The following ITPR2 variants were observed in gnomAD, a reference collection of about 807,000 sequenced individuals.
The protein encoded by ITPR2 is inositol 1,4,5-trisphosphate receptor type 2, also known as inositol 1,4,5-trisphosphate-gated calcium channel ITPR2.
ITPR2 carries 207 observed loss-of-function variants against 317.1 expected under a neutral mutation model. The ratio of observed to expected loss-of-function variants is 0.65; its 90% confidence interval spans 0.58 to 0.73. ITPR2 has a LOEUF of 0.73. ITPR2 is among the 30% of genes least tolerant of loss of function. The probability of loss-of-function intolerance (pLI) is 0.00; values close to 1 mark genes in which losing one functional copy is unlikely to be tolerated. For missense variants in ITPR2, 2,613 were observed against 3,284.0 expected (o/e 0.80, Z 4.99); for synonymous variants, 1,156 against 1,149.1 (o/e 1.01, Z -0.12).
At chr12:26,430,436 G>A (rs547798112) in intron 48 of ITPR2, among the ~76,000 whole-genome samples, 4 of 152,242 alleles carry the variant, frequency 2.6e-5, no homozygotes, top group South Asian at 4.1e-4. Context: ...GCTAAATTTT[G>A]TATTGTCAGT....
chr12:26,750,898 A>G (rs1949401405), intron 2 of ITPR2, among the ~76,000 whole-genome samples: 1 of 152,200 alleles, frequency 6.6e-6, no homozygotes. Flanking sequence ...CTCCAAAGCA[A>G]TCCAATGAGA....
intron 32 of ITPR2, among the ~76,000 whole-genome samples, chr12:26,591,992 C>T (rs902440195): frequency 2.0e-5 from 3 of 152,176 alleles, no homozygotes; most frequent in Non-Finnish European, 4.4e-5. Context: ...AATTTGGAAG[C>T]ACCTTAAGTG....
chr12:26,352,615 T>G (rs1427348808), intron 55 of ITPR2, among the ~76,000 whole-genome samples: 2 of 152,182 alleles, frequency 1.3e-5, no homozygotes, highest in African/African-American at 4.8e-5. Flanking sequence ...GATACCACAG[T>G]AATGTCTGCC....
chr12:26,571,728 T>C (rs1214159623), intron 34 of ITPR2, among the ~76,000 whole-genome samples: 2 of 152,210 alleles, frequency 1.3e-5, no homozygotes, highest in Admixed American at 6.5e-5. Flanking sequence ...CATTTCCCCA[T>C]CTATAAAATG....
In ITPR2 at chr12:26,578,646, C is replaced by T. The variant is rs1453105121; in HGVS notation, c.4630+67G>A. Reference sequence around the variant, plus strand: ...GTAAATTGGGAAGCTGCTTGTGTTGCCCATTAGCCAAAAACCTAATTTCTT... The same window carrying T: ...GTAAATTGGGAAGCTGCTTGTGTTGTCCATTAGCCAAAAACCTAATTTCTT... On this transcript the variant is annotated intron_variant, in intron 34 of 56. Transcript: ENST00000381340. 7 of 1,421,536 alleles carry T rather than the reference C, an allele frequency of 4.9e-6. No homozygotes were observed. The East Asian group carries it at 1.4e-4, about 28-fold the overall frequency. The allele number at this position is 1,421,536 out of a possible 1,614,324, so 88.1% of individuals were successfully genotyped here. A position where few individuals can be genotyped will look rare whatever the true frequency, so the allele number is the denominator to read the frequency against.
intron 37 of ITPR2, among the ~76,000 whole-genome samples, chr12:26,530,436 T>C (rs1330286253): frequency 6.6e-6 from 1 of 152,220 alleles, no homozygotes; most frequent in Non-Finnish European, 1.5e-5. Context: ...GATGATACTG[T>C]TCACTGAGGA....
intron 48 of ITPR2, among the ~76,000 whole-genome samples, chr12:26,434,322 C>G (rs1941295122): frequency 6.6e-6 from 1 of 152,186 alleles, no homozygotes; most frequent in African/African-American, 2.4e-5. Context: ...AAGTGCTTAG[C>G]ATTTTGCCTG....
At position 26,428,100 on chromosome 12, in the gene ITPR2, G is replaced by A. The variant is rs1941116325; in HGVS notation, c.6770-12C>T. ...TGGAGAAAGTGTACCTGTAAAATGTGGAAGAAATTTATTGCTACTAAGAAT... is the reference window on the plus strand; with the variant it reads ...TGGAGAAAGTGTACCTGTAAAATGTAGAAGAAATTTATTGCTACTAAGAAT... On this transcript the variant is annotated splice_polypyrimidine_tract_variant and intron_variant, in intron 48 of 56. Transcript: ENST00000381340. 1 of 1,566,524 alleles carries A rather than the reference G, an allele frequency of 6.4e-7. No individual in the cohort carries two copies.
In ITPR2 at chr12:26,680,576, T is replaced by G. The variant is rs1948009748; in HGVS notation, c.1409+1298A>C. Among the ~76,000 whole-genome samples, 3 of 152,186 alleles carry G rather than the reference T, an allele frequency of 2.0e-5. 1 individual carries two copies. The highest frequency in any genetic ancestry group is 7.2e-5 in the African/African-American group (3 of 41,452). ...CAGAAACTGATAGATAAAATCACAT[T>G]TACTTCAAAATTCTATCAATCAAAT... On this transcript the variant is annotated intron_variant, in intron 13 of 56. Transcript: ENST00000381340.
At chr12:26,665,690 C>T (rs1947610196) in intron 14 of ITPR2, among the ~76,000 whole-genome samples, 1 of 152,260 alleles carries the variant, frequency 6.6e-6, no homozygotes, top group African/African-American at 2.4e-5. Context: ...CAGCAAACAC[C>T]TTGACTGCAG....
chr12:26,825,143 G>A (rs557194530), intron 1 of ITPR2, among the ~76,000 whole-genome samples: 1 of 152,304 alleles, frequency 6.6e-6, no homozygotes, highest in Non-Finnish European at 1.5e-5. Context: ...TGAGGCACAG[G>A]AATGGCTTGA....
At chr12:26,811,034 TAC>T (rs1491252952) in intron 1 of ITPR2, among the ~76,000 whole-genome samples, 3 of 49,920 alleles carry the variant, frequency 6.0e-5, no homozygotes, top group Middle Eastern at 8.9e-3. Flanking sequence ...TGTTTTAAGT[TAC>T]AAAAAAAAAA....
At chr12:26,395,388 C>T (rs1939963645) in intron 54 of ITPR2, among the ~76,000 whole-genome samples, 1 of 151,976 alleles carries the variant, frequency 6.6e-6, no homozygotes, top group Non-Finnish European at 1.5e-5. Context: ...TGTGAAAAGC[C>T]AAAGAGAATT....
At chr12:26,465,685 C>T (rs1236943663) in intron 45 of ITPR2, among the ~76,000 whole-genome samples, 1 of 152,058 alleles carries the variant, frequency 6.6e-6, no homozygotes, top group Non-Finnish European at 1.5e-5. Flanking sequence ...TCCCAGAGCA[C>T]CTCAGATACG....
intron 55 of ITPR2, among the ~76,000 whole-genome samples, chr12:26,378,669 G>T (rs1212237824): frequency 6.6e-6 from 1 of 152,186 alleles, no homozygotes; most frequent in Non-Finnish European, 1.5e-5. Context: ...GGAGGGCAAT[G>T]ATATTTTATT....
At chr12:26,823,981 C>T (rs1354921297) in intron 1 of ITPR2, among the ~76,000 whole-genome samples, 1 of 152,168 alleles carries the variant, frequency 6.6e-6, no homozygotes, top group African/African-American at 2.4e-5. Flanking sequence ...CAATAGACTT[C>T]TAAATTAAAA....
intron 37 of ITPR2, among the ~76,000 whole-genome samples, chr12:26,521,704 A>G (rs1236729643): frequency 6.6e-6 from 1 of 152,226 alleles, no homozygotes; most frequent in Non-Finnish European, 1.5e-5. Context: ...CCCCAACAGT[A>G]ATGGATCATA....
intron 39 of ITPR2, among the ~76,000 whole-genome samples, chr12:26,489,151 T>A (rs1302714864): frequency 6.6e-6 from 1 of 152,204 alleles, no homozygotes; most frequent in Non-Finnish European, 1.5e-5. Context: ...ATTTATATAA[T>A]CTCAACAAGT....
At chr12:26,509,956 TTTTGTGTG>T (rs1328422761) in intron 37 of ITPR2, among the ~76,000 whole-genome samples, 3 of 86,692 alleles carry the variant, frequency 3.5e-5, no homozygotes, top group African/African-American at 1.2e-4. Flanking sequence ...TAGATAAGGG[TTTTGTGTG>T]TGTGTGTGTG....
Sources: allele counts gnomAD v4.1 joint callset (sites outside exome capture counted in the v4.1 genomes callset), GRCh38; gene constraint gnomAD v4.1.1; transcripts MANE v1.5; gene names NCBI Gene and HGNC (gene_info 2026-07-23, HGNC 2026-07-21).